NR1I2: variants seen among roughly 807,000 people sequenced by gnomAD.
The protein encoded by NR1I2 is orphan nuclear receptor PAR1.
A neutral mutation model predicts 43.3 loss-of-function variants in NR1I2; 42 were observed. That is an observed-to-expected ratio of 0.97 (90% CI 0.76 to 1.26). The LOEUF (loss-of-function observed/expected upper bound fraction) is 1.26. Among genes scored for constraint, NR1I2 ranks in the 50% most tolerant of loss-of-function variants. NR1I2 has a pLI of 0.00. For missense variants in NR1I2, 559 were observed against 566.7 expected (o/e 0.99, Z 0.14); for synonymous variants, 229 against 215.0 (o/e 1.06, Z -0.57).
intron 1 of NR1I2, among the ~76,000 whole-genome samples, chr3:119,786,660 C>T (rs1445290701): frequency 6.6e-6 from 1 of 152,190 alleles, no homozygotes; most frequent in African/African-American, 2.4e-5. Context: ...GGTGCCAGCT[C>T]TCAACCCTGA....
intron 1 of NR1I2, among the ~76,000 whole-genome samples, chr3:119,791,201 T>C (rs2054912704): frequency 1.3e-5 from 2 of 152,200 alleles, no homozygotes; most frequent in Non-Finnish European, 2.9e-5. Context: ...AGGGAATTAC[T>C]TGTCCCTGGG....
In NR1I2 at chr3:119,815,440, G is replaced by A. The variant is rs1371705585; in HGVS notation, c.1054+1G>A. ...CAGGCCATCTCCCTCTTCTCCCCAG[G>A]TGAGGATCTCCCCTAGGCTGCCTGA... On this transcript the variant is annotated splice_donor_variant, in intron 7 of 8. Transcript: ENST00000393716. LOFTEE classifies it high-confidence loss of function. 1.2e-6 allele frequency: 2 copies of A among 1,608,910 alleles called. No individual in the cohort carries two copies. Among genetic ancestry groups the A allele is most frequent in the Non-Finnish European group, 1.7e-6 (2 of 1,176,732 alleles).
Position 119,818,408 on chromosome 3 carries a change from G to T in NR1I2, c.*1196G>T. The T allele has an allele frequency of 1.0e-6, 1 of 985,108 alleles. No individual in the cohort carries two copies. The highest frequency in any genetic ancestry group is 4.7e-5 in the South Asian group (1 of 21,280). The allele number at this position is 985,108 out of a possible 1,614,324, so 61.0% of individuals were successfully genotyped here. ...TTTATATAAGGCATTCCACACCTAA[G>T]AACTAGTTTTGGGAAATGTAGCCCT... On this transcript the variant is annotated 3_prime_UTR_variant, in exon 9 of 9. Transcript: ENST00000393716.
At chr3:119,806,128 C>G (rs2055156888) in intron 1 of NR1I2, among the ~76,000 whole-genome samples, 1 of 152,066 alleles carries the variant, frequency 6.6e-6, no homozygotes, top group Admixed American at 6.6e-5. Flanking sequence ...TGGTGTCTGC[C>G]CTTGTCAGTC....
At chr3:119,810,398 G>A in intron 3 of NR1I2, 1 of 694,870 alleles carries the variant, frequency 1.4e-6, no homozygotes, top group Non-Finnish European at 2.4e-6. Flanking sequence ...GGAGGGAGTC[G>A]GTAATCTCTG....
intron 5 of NR1I2, 103 bp downstream of exon 5, chr3:119,813,063 C>A: frequency 7.8e-7 from 1 of 1,278,516 alleles, no homozygotes; most frequent in Non-Finnish European, 1.1e-6. Flanking sequence ...ATATTGGTGT[C>A]AGAAGACCCT....
rs565949656 is a variant in NR1I2 at position 119,817,613 on chromosome 3, C to G, written c.*401C>G. 8.7e-7 allele frequency: 1 copy of G among 1,149,374 alleles called. No individual in the cohort carries two copies. The highest frequency in any genetic ancestry group is 6.1e-5 in the East Asian group (1 of 16,354). The allele number at this position is 1,149,374 out of a possible 1,614,324, so 71.2% of individuals were successfully genotyped here. On this transcript the variant is annotated 3_prime_UTR_variant, in exon 9 of 9. Coordinates refer to ENST00000393716, the MANE Select transcript of NR1I2 (RefSeq NM_003889.4). ...TCTGGGGTCTATGCCCACATACCCA[C>G]GTTTGTTCGCTTCCTGAGTCTTTTC...
rs2054806139 is a variant in NR1I2, at chr3:119,783,526, T to A, written c.-23+1226T>A. Among the ~76,000 whole-genome samples, 3 of 152,282 alleles carry A rather than the reference T, an allele frequency of 2.0e-5. No homozygotes were observed. In the South Asian group the frequency reaches 6.2e-4, roughly 32 times the overall value. ...ACTATCTGGCCTTTAACAGAAAAAGTTTGCCAACTCCTGATCTAAAAGCTG... is the reference window on the plus strand; with the variant it reads ...ACTATCTGGCCTTTAACAGAAAAAGATTGCCAACTCCTGATCTAAAAGCTG... On this transcript the variant is annotated intron_variant, in intron 1 of 8. Coordinates refer to ENST00000393716, the MANE Select transcript of NR1I2 (RefSeq NM_003889.4).
In NR1I2 at chr3:119,807,320, C is replaced by T. The variant is rs1216188922; in HGVS notation, c.70C>T (p.Pro24Ser). 1 of 1,614,226 alleles carries T rather than the reference C, an allele frequency of 6.2e-7. No individual in the cohort carries two copies. Among genetic ancestry groups the T allele is most frequent in the Non-Finnish European group, 8.5e-7 (1 of 1,180,034 alleles). ...ACACTGTGAGGACACAGAGTCTGTT[C>T]CTGGAAAGCCCAGTGTCAACGCAGA... The change falls in exon 2 of 9, where the codon CCT (proline) becomes TCT (serine). Residue 24 changes from proline to serine, a missense_variant. Pro to Ser is a moderately conservative substitution (Grantham distance 74). Around this residue, in one of 3 missense-constraint regions of NR1I2, gnomAD observed 232 missense variants for 236.6 expected, o/e 0.98. Coordinates refer to ENST00000393716, the MANE Select transcript of NR1I2 (RefSeq NM_003889.4).
At chr3:119,802,524 A>G (rs2055095715) in intron 1 of NR1I2, among the ~76,000 whole-genome samples, 1 of 152,156 alleles carries the variant, frequency 6.6e-6, no homozygotes. Flanking sequence ...TCAATTGTCC[A>G]AAGTTCACAA....
Position 119,812,697 on chromosome 3 carries a change from G to C in NR1I2, c.531G>C (p.Val177=), listed in dbSNP as rs1452698162. Residue 177 remains valine (V), a synonymous_variant, in exon 5 of 9, where the codon GTG becomes GTC. Transcript: ENST00000393716. Reference sequence around the variant, plus strand: ...GGCATGTGTCCTAGCTGCCAGGGGTGCTTAGCAGTGGCTGCGAGTTGCCAG... The same window carrying C: ...GGCATGTGTCCTAGCTGCCAGGGGTCCTTAGCAGTGGCTGCGAGTTGCCAG... 3 of 1,613,888 alleles carry C rather than the reference G, an allele frequency of 1.9e-6. No homozygotes were observed. In the African/African-American group the frequency reaches 4.0e-5, roughly 22 times the overall value.
intron 1 of NR1I2, among the ~76,000 whole-genome samples, chr3:119,795,044 T>C (rs1292082040): frequency 6.6e-6 from 1 of 152,254 alleles, no homozygotes; most frequent in Non-Finnish European, 1.5e-5. Flanking sequence ...GCACCTCTAC[T>C]TGCCCATTGA....
intron 3 of NR1I2, chr3:119,811,222 G>A (rs768240736): frequency 9.4e-5 from 26 of 277,006 alleles, no homozygotes; most frequent in Non-Finnish European, 1.4e-4. Flanking sequence ...CAGGTAGTAA[G>A]TGGCAAAGCT....
chr3:119,789,705 G>A lies in NR1I2; in HGVS notation c.-23+7405G>A, dbSNP rs577785847. 4.0e-4 allele frequency among the ~76,000 whole-genome samples: 60 copies of A among 151,868 alleles called. 1 individual carries two copies. The South Asian group carries it at 0.01, about 26-fold the overall frequency. On this transcript the variant is annotated intron_variant, in intron 1 of 8. Transcript: ENST00000393716. ...TCCTCCTCACAACTTCTGTTTCCTC[G>A]GGGCCCTTCCTGCTTCACAGCTTCC... is the stretch of plus-strand genomic sequence containing the variant.
At chr3:119,806,900 G>A (rs1438303097) in intron 1 of NR1I2, among the ~76,000 whole-genome samples, 1 of 152,060 alleles carries the variant, frequency 6.6e-6, no homozygotes, top group Non-Finnish European at 1.5e-5. Flanking sequence ...CCTAACCTCA[G>A]TCCACTCAGC....
chr3:119,793,819 A>G (rs2054955560), intron 1 of NR1I2, among the ~76,000 whole-genome samples: 1 of 152,198 alleles, frequency 6.6e-6, no homozygotes, highest in South Asian at 2.1e-4. Context: ...TCTATCTACC[A>G]TAAGGACACG....
chr3:119,810,488 T>C (rs2055224612), intron 3 of NR1I2: 1 of 472,684 alleles, frequency 2.1e-6, no homozygotes, highest in Non-Finnish European at 3.8e-6. Flanking sequence ...ATTCTTTTTG[T>C]CCCCTTCATA....
chr3:119,807,139 G>A, intron 1 of NR1I2, 90 bp from the exon 2 acceptor site: 1 of 1,162,382 alleles, frequency 8.6e-7, no homozygotes, highest in Middle Eastern at 2.1e-4. Flanking sequence ...CCAAATGTGA[G>A]TGATGCATAG....
chr3:119,796,973 C>G (rs1164572910), intron 1 of NR1I2, among the ~76,000 whole-genome samples: 2 of 152,210 alleles, frequency 1.3e-5, no homozygotes, highest in African/African-American at 4.8e-5. Flanking sequence ...GGCCTCCTGA[C>G]TATGACAACA....
Sources: gnomAD v4.1 joint callset for allele counts (sites outside exome capture counted in the v4.1 genomes callset) on GRCh38, gnomAD v4.1.1 for gene constraint, gnomAD v4.1.1 regional missense constraint, MANE v1.5 for transcripts, NCBI Gene and HGNC (gene_info 2026-07-23, HGNC 2026-07-21) for gene names.